The following SLC9C1 variants were observed in gnomAD, a reference collection of about 807,000 sequenced individuals.
The protein encoded by SLC9C1 is sodium/hydrogen exchanger 10.
In SLC9C1, 97 loss-of-function variants were observed where a neutral mutation model predicts 140.9. The observed-to-expected ratio is 0.69, with a 90% CI of 0.58 to 0.82. The LOEUF is 0.82. SLC9C1 is among the 40% of genes least tolerant of loss of function. The pLI, the probability that SLC9C1 is intolerant of heterozygous loss-of-function variation, is 0.00. For synonymous variants in SLC9C1, 440 were observed against 442.6 expected, an observed-to-expected ratio of 0.99 and a Z score of 0.07; for missense variants, 1,340 against 1,389.3, an observed-to-expected ratio of 0.96 and a Z score of 0.56.
intron 28 of SLC9C1, among the ~76,000 whole-genome samples, chr3:112,149,867 A>G (rs1311219201): frequency 6.6e-6 from 1 of 152,052 alleles, no homozygotes; most frequent in African/African-American, 2.4e-5. Context: ...AACAGGGTGA[A>G]TGAGTGCTCC....
chr3:112,154,912 A>T, intron 27 of SLC9C1, 85 bp downstream of exon 27: 1 of 1,324,624 alleles, frequency 7.5e-7, no homozygotes, highest in Non-Finnish European at 1.1e-6. Flanking sequence ...TTTTCAGAAT[A>T]AGAGAAACAC....
intron 25 of SLC9C1, 127 bp from the exon 26 acceptor site, chr3:112,167,474 C>T (rs2077161396): frequency 1.1e-6 from 1 of 898,284 alleles, no homozygotes; most frequent in African/African-American, 1.7e-5. Context: ...AACAAATCAA[C>T]ACAAATAAGA....
intron 6 of SLC9C1, among the ~76,000 whole-genome samples, chr3:112,274,175 G>A (rs1227260322): frequency 6.6e-6 from 1 of 152,084 alleles, no homozygotes; most frequent in East Asian, 1.9e-4. Context: ...ACTTTTCTAG[G>A]AGGAAGATAC....
intron 26 of SLC9C1, among the ~76,000 whole-genome samples, chr3:112,164,412 G>A (rs1381019384): frequency 5.9e-5 from 8 of 135,408 alleles, no homozygotes; most frequent in South Asian, 2.9e-4. Flanking sequence ...AGCTGGTACC[G>A]GTTGTTCCTT....
intron 16 of SLC9C1, among the ~76,000 whole-genome samples, chr3:112,207,139 T>G (rs944138072): frequency 6.6e-6 from 1 of 152,202 alleles, no homozygotes; most frequent in Non-Finnish European, 1.5e-5. Flanking sequence ...TTTGTGATAG[T>G]TGATACAGTC....
intron 13 of SLC9C1, among the ~76,000 whole-genome samples, chr3:112,221,633 C>T (rs2078543448): frequency 6.6e-6 from 1 of 152,026 alleles, no homozygotes. Context: ...ATTTCCACAA[C>T]AGGGCTCTGC....
chr3:112,243,913 G>T, intron 11 of SLC9C1, 82 bp downstream of exon 11: 1 of 1,022,416 alleles, frequency 9.8e-7, no homozygotes, highest in South Asian at 1.9e-5. Flanking sequence ...GCTGTATATG[G>T]ATTCTTTCTT....
chr3:112,150,591 A>G (rs542851960), intron 28 of SLC9C1, among the ~76,000 whole-genome samples: 1 of 151,886 alleles, frequency 6.6e-6, no homozygotes. Flanking sequence ...CTATCTTGCT[A>G]CTTCAAAGTG....
chr3:112,153,358 TA>T (rs10575877), intron 27 of SLC9C1, among the ~76,000 whole-genome samples: 46,973 of 147,964 alleles, frequency 0.32, 7,535 homozygotes, highest in East Asian at 0.42. Flanking sequence ...GCAGCATTGT[TA>T]AAAAAAAAAA....
intron 28 of SLC9C1, among the ~76,000 whole-genome samples, chr3:112,145,589 CTTTTTTTTTTT>C (rs61547345): frequency 3.5e-5 from 1 of 28,244 alleles, no homozygotes; most frequent in Non-Finnish European, 6.1e-5. Flanking sequence ...CTGCCCTTGG[CTTTTTTTTTTT>C]TTTTTTTTTT....
chr3:112,279,234 A>G (rs1458376648), intron 3 of SLC9C1, among the ~76,000 whole-genome samples: 1 of 152,178 alleles, frequency 6.6e-6, no homozygotes, highest in African/African-American at 2.4e-5. Flanking sequence ...TTTGGGAGAT[A>G]ATTCTCCATG....
intron 15 of SLC9C1, among the ~76,000 whole-genome samples, chr3:112,212,872 C>T (rs567940415): frequency 5.3e-5 from 8 of 152,268 alleles, no homozygotes; most frequent in Middle Eastern, 6.8e-3. Context: ...AAAGATACTC[C>T]TCAAGAAGAA....
intron 18 of SLC9C1, among the ~76,000 whole-genome samples, chr3:112,201,584 C>T (rs2077907196): frequency 1.3e-5 from 2 of 151,922 alleles, no homozygotes; most frequent in Admixed American, 6.6e-5. Context: ...AACTTATGGG[C>T]ACATATCGGT....
At chr3:112,195,147 A>G (rs535312905) in intron 20 of SLC9C1, among the ~76,000 whole-genome samples, 6 of 152,234 alleles carry the variant, frequency 3.9e-5, no homozygotes, top group East Asian at 1.9e-4. Flanking sequence ...CACTTTGTCT[A>G]TATTTTATTT....
chr3:112,278,610 A>AC, intron 4 of SLC9C1, 119 bp downstream of exon 4: 3 of 1,041,188 alleles, frequency 2.9e-6, no homozygotes, highest in Non-Finnish European at 3.9e-6. Context: ...TGAATTTATT[A>AC]CTCCCATACC....
Position 112,264,234 on chromosome 3 carries a change from AATAGTAT to A in SLC9C1, c.981_987del (p.Tyr328HisfsTer2). 7.7e-7 allele frequency: 1 copy of A among 1,303,452 alleles called. No homozygotes were observed. The highest frequency in any genetic ancestry group is 1.0e-6 in the Non-Finnish European group (1 of 984,142). The allele number at this position is 1,303,452 out of a possible 1,614,324, so 80.7% of individuals were successfully genotyped here. A position where few individuals can be genotyped will look rare whatever the true frequency, so the allele number is the denominator to read the frequency against. Reference sequence around the variant, plus strand: ...ATCAATGTTAAGTAGATATTTAATGAATAGTATATATCAACAAATTCTATATACAAAT... The same window carrying A: ...ATCAATGTTAAGTAGATATTTAATGAATATCAACAAATTCTATATACAAAT... On this transcript the variant is annotated frameshift_variant, in exon 9 of 29. Coordinates refer to ENST00000305815, the MANE Select transcript of SLC9C1 (RefSeq NM_183061.3). LOFTEE classifies it high-confidence loss of function.
intron 10 of SLC9C1, among the ~76,000 whole-genome samples, chr3:112,256,588 T>A (rs532643553): frequency 3.7e-4 from 57 of 152,246 alleles, no homozygotes; most frequent in Non-Finnish European, 7.2e-4. Context: ...GAGCCCTTTA[T>A]GACAAACCCA....
chr3:112,282,794 T>C (rs1314199204), intron 2 of SLC9C1, among the ~76,000 whole-genome samples: 4 of 152,210 alleles, frequency 2.6e-5, no homozygotes, highest in African/African-American at 9.6e-5. Context: ...AGAAATATAG[T>C]TTATACTTTT....
chr3:112,208,140 C>T lies in SLC9C1; in HGVS notation c.1986+38G>A, dbSNP rs1230679540. On this transcript the variant is annotated intron_variant, in intron 16 of 28. Coordinates refer to ENST00000305815, the MANE Select transcript of SLC9C1 (RefSeq NM_183061.3). ...AAGGCTAGGAAATCTCCCTGTCAGA[C>T]ATATAACACTTCCATACACACATAA... 2.1e-6 allele frequency: 3 copies of T among 1,457,184 alleles called. No homozygotes were observed. In the Admixed American group the frequency reaches 7.1e-5, roughly 34 times the overall value. 90.3% of individuals were successfully genotyped at this position (1,457,184 alleles called of 1,614,324 possible). A position where few individuals can be genotyped will look rare whatever the true frequency, so the allele number is the denominator to read the frequency against.
Sources: allele counts gnomAD v4.1 joint callset (sites outside exome capture counted in the v4.1 genomes callset), GRCh38; gene constraint gnomAD v4.1.1; transcripts MANE v1.5; gene names NCBI Gene and HGNC (gene_info 2026-07-23, HGNC 2026-07-21).